The following IL1RL1 variants were observed in gnomAD, a reference collection of about 807,000 sequenced individuals.
The protein encoded by IL1RL1 is interleukin 1 receptor like 1, also known as interleukin-1 receptor-like 1.
In IL1RL1, 32 loss-of-function variants were observed where a neutral mutation model predicts 50.9. The observed-to-expected ratio is 0.63, with a 90% CI of 0.47 to 0.84. IL1RL1 has a LOEUF of 0.84. IL1RL1 is among the 40% of genes least tolerant of loss of function. IL1RL1 has a pLI of 0.00. For missense variants in IL1RL1, 773 were observed against 662.9 expected, an observed-to-expected ratio of 1.17 and a Z score of -1.82; for synonymous variants, 275 against 236.0, an observed-to-expected ratio of 1.17 and a Z score of -1.51.
At chr2:102,316,572 T>A (rs1440177685) in intron 1 of IL1RL1, among the ~76,000 whole-genome samples, 8 of 152,198 alleles carry the variant, frequency 5.3e-5, no homozygotes, top group Non-Finnish European at 4.4e-5. Context: ...GCTGGGAGTT[T>A]AATTTTTATA....
chr2:102,340,332 G>T, intron 4 of IL1RL1, 60 bp downstream of exon 4: 2 of 1,398,474 alleles, frequency 1.4e-6, no homozygotes, highest in Non-Finnish European at 9.8e-7. Context: ...GACACAAGTG[G>T]CCGGGCACAG....
downstream of IL1RL1, chr2:102,352,069 C>G: frequency 1.2e-6 from 1 of 821,098 alleles, no homozygotes; most frequent in Non-Finnish European, 1.8e-6. Flanking sequence ...CTTCCATTTC[C>G]CTGCTTCTGG....
rs1179733129 is a variant in IL1RL1 at position 102,340,788 on chromosome 2, C to T, written c.570C>T (p.Ala190=). 1 of 1,586,294 alleles carries T rather than the reference C, an allele frequency of 6.3e-7. No homozygotes were observed. Among genetic ancestry groups the T allele is most frequent in the Non-Finnish European group, 8.5e-7 (1 of 1,171,650 alleles). The change falls in exon 5 of 11, where the codon GCC becomes GCT. Residue 190 remains alanine, a synonymous_variant. Coordinates refer to ENST00000233954, the MANE Select transcript of IL1RL1 (RefSeq NM_016232.5). ...AATTTATACACAATGAAAATGGAGCCAATTATAGTGTGACGGCGACCAGGT... is the reference window on the plus strand; with the variant it reads ...AATTTATACACAATGAAAATGGAGCTAATTATAGTGTGACGGCGACCAGGT... ...TCKFIHNENG[A]NYSVTATRSF... is the part of the protein sequence containing the mutation.
intron 1 of IL1RL1, among the ~76,000 whole-genome samples, chr2:102,317,726 T>C (rs913421490): frequency 6.6e-6 from 1 of 152,140 alleles, no homozygotes; most frequent in African/African-American, 2.4e-5. Flanking sequence ...AACTCAACCA[T>C]AGACCATTCA....
chr2:102,319,337 C>A (rs1423483614), intron 1 of IL1RL1, among the ~76,000 whole-genome samples: 1 of 152,140 alleles, frequency 6.6e-6, no homozygotes, highest in African/African-American at 2.4e-5. Context: ...AACTCTTTCT[C>A]TTAACAACTA....
intron 1 of IL1RL1, among the ~76,000 whole-genome samples, chr2:102,312,342 G>A (rs1028039624): frequency 2.0e-5 from 3 of 150,672 alleles, no homozygotes; most frequent in African/African-American, 7.3e-5. Context: ...TGTGAGAAAA[G>A]TAGTATTACC....
In IL1RL1 at chr2:102,340,201, GA is replaced by G; in HGVS notation, c.383del (p.Asn128IlefsTer44). The part of the protein sequence containing the change: ...YLMYSTVSGS[E>X]KNSKIYCPTI... ...GATGTATTCAACAGTATCTGGATCA[GA>G]AAAAAATTCCAAAATTTATTGTCCT... is the stretch of plus-strand genomic sequence containing the variant. On this transcript the variant is annotated frameshift_variant, in exon 4 of 11. Coordinates refer to ENST00000233954, the MANE Select transcript of IL1RL1 (RefSeq NM_016232.5). LOFTEE classifies it high-confidence loss of function. 2 of 1,605,722 alleles carry G rather than the reference GA, an allele frequency of 1.2e-6. No individual in the cohort carries two copies. The highest frequency in any genetic ancestry group is 1.8e-5 in the Admixed American group (1 of 57,094).
intron 10 of IL1RL1, among the ~76,000 whole-genome samples, chr2:102,349,539 C>CA (rs918412606): frequency 1.3e-4 from 20 of 152,238 alleles, no homozygotes; most frequent in African/African-American, 4.6e-4. Context: ...CTTGGTCCCC[C>CA]ACCAGGATAA....
Position 102,342,229 on chromosome 2 carries a change from A to G in IL1RL1, c.617A>G (p.Gln206Arg). The change falls in exon 6 of 11, where the codon CAA becomes CGA. Residue 206 changes from glutamine to arginine, a missense_variant. Transcript: ENST00000233954. ...ATTTCTTTTTGTCTTTAAGATGAGC[A>G]AGGCTTTTCTCTGTTTCCAGTAATC... Reference protein sequence around the residue: ...ATRSFTVKDEQGFSLFPVIGA... With the variant: ...ATRSFTVKDERGFSLFPVIGA... 1.2e-6 allele frequency: 2 copies of G among 1,608,320 alleles called. No individual in the cohort carries two copies. Among genetic ancestry groups the G allele is most frequent in the Admixed American group, 1.7e-5 (1 of 59,986 alleles).
intron 9 of IL1RL1, 149 bp from the exon 10 acceptor site, chr2:102,348,930 T>A (rs1677857699): frequency 1.6e-6 from 1 of 608,732 alleles, no homozygotes; most frequent in Non-Finnish European, 2.9e-6. Context: ...GGCAGTGGTT[T>A]GACGTCAACA....
At chr2:102,346,032 T>A (rs1477035137) in intron 8 of IL1RL1, 7 of 981,996 alleles carry the variant, frequency 7.1e-6, no homozygotes, top group Non-Finnish European at 8.5e-6. Flanking sequence ...CCTGTTTTTC[T>A]TTAAATCAAC....
intron 1 of IL1RL1, among the ~76,000 whole-genome samples, chr2:102,311,857 A>AT (rs1403070951): frequency 8.3e-5 from 4 of 48,182 alleles, no homozygotes; most frequent in African/African-American, 1.5e-4. Flanking sequence ...TATATAATAT[A>AT]ATTATATAAT....
chr2:102,340,862 C>T (rs185364869), intron 5 of IL1RL1, 34 bp downstream of exon 5: 69 of 1,506,684 alleles, frequency 4.6e-5, no homozygotes, highest in African/African-American at 4.2e-4. Context: ...TAGAATACTA[C>T]GTGAAAGAAG....
At chr2:102,335,500 T>C (rs1322798159) in intron 1 of IL1RL1, among the ~76,000 whole-genome samples, 1 of 152,218 alleles carries the variant, frequency 6.6e-6, no homozygotes, top group African/African-American at 2.4e-5. Flanking sequence ...TATTTGTAAC[T>C]ATAAAATTTG....
chr2:102,339,981 C>A, intron 3 of IL1RL1, 117 bp from the exon 4 acceptor site: 1 of 490,192 alleles, frequency 2.0e-6, no homozygotes, highest in South Asian at 5.8e-5. Context: ...ATAAAATAAC[C>A]ATTATGTATA....
intron 1 of IL1RL1, among the ~76,000 whole-genome samples, chr2:102,328,614 C>T (rs1472968345): frequency 6.6e-6 from 1 of 152,176 alleles, no homozygotes; most frequent in East Asian, 1.9e-4. Flanking sequence ...ACCCCATCAT[C>T]TCCTTAAGCT....
At chr2:102,316,814 A>G (rs1461142616) in intron 1 of IL1RL1, among the ~76,000 whole-genome samples, 2 of 152,230 alleles carry the variant, frequency 1.3e-5, no homozygotes, top group Non-Finnish European at 2.9e-5. Context: ...TGTGACCCTT[A>G]GAAACCAAAA....
In IL1RL1 at chr2:102,343,119, A is replaced by G; in HGVS notation, c.766A>G (p.Thr256Ala). The part of the protein sequence containing the change: ...LAAVLWQLNG[T>A]KITDFGEPRI... Reference sequence around the variant, plus strand: ...TGCCGTCCTGTGGCAGCTTAATGGAACAAAAATTACAGACTTTGGTGAACC... The same window carrying G: ...TGCCGTCCTGTGGCAGCTTAATGGAGCAAAAATTACAGACTTTGGTGAACC... The change falls in exon 7 of 11, where the codon ACA becomes GCA. Residue 256 changes from threonine to alanine, a missense_variant. Transcript: ENST00000233954. 6.2e-7 allele frequency: 1 copy of G among 1,614,148 alleles called. No individual in the cohort carries two copies. Among genetic ancestry groups the G allele is most frequent in the Non-Finnish European group, 8.5e-7 (1 of 1,180,004 alleles).
intron 8 of IL1RL1, chr2:102,345,157 T>C (rs1677735999): frequency 3.7e-5 from 34 of 919,400 alleles, no homozygotes; most frequent in Non-Finnish European, 4.4e-5. Context: ...TTGTGCTTTT[T>C]ATCATCACTA....
Sources: allele counts gnomAD v4.1 joint callset (sites outside exome capture counted in the v4.1 genomes callset), GRCh38; gene constraint gnomAD v4.1.1; transcripts MANE v1.5; gene names NCBI Gene and HGNC (gene_info 2026-07-23, HGNC 2026-07-21).